DOCK4: variants seen among roughly 807,000 people sequenced by gnomAD.
DOCK4 encodes dedicator of cytokinesis protein 4.
DOCK4 carries 97 observed loss-of-function variants against 268.1 expected under a neutral mutation model. The ratio of observed to expected loss-of-function variants is 0.36; its 90% CI spans 0.31 to 0.43. DOCK4 has a LOEUF of 0.43. DOCK4 is among the 20% of genes least tolerant of loss of function. The pLI is 1.00. For missense variants in DOCK4, 2,145 were observed against 2,455.7 expected, an observed-to-expected ratio of 0.87 and a Z score of 2.67; for synonymous variants, 954 against 887.2, an observed-to-expected ratio of 1.08 and a Z score of -1.34.
chr7:111,884,110 C>T (rs1178093325), intron 16 of DOCK4, among the ~76,000 whole-genome samples: 1 of 152,084 alleles, frequency 6.6e-6, no homozygotes, highest in Non-Finnish European at 1.5e-5. Context: ...AGGTTTTAAT[C>T]TATTTCTGAA....
chr7:111,920,279 G>C (rs972524628), intron 12 of DOCK4, among the ~76,000 whole-genome samples: 2 of 152,174 alleles, frequency 1.3e-5, no homozygotes, highest in Non-Finnish European at 2.9e-5. Context: ...ATCGCTAAGA[G>C]AGTGGATTTT....
intron 1 of DOCK4, among the ~76,000 whole-genome samples, chr7:112,160,651 AC>A (rs1817027892): frequency 6.6e-6 from 1 of 152,148 alleles, no homozygotes; most frequent in African/African-American, 2.4e-5. Flanking sequence ...TTAAGCAGGC[AC>A]CCCCACTGCC....
intron 1 of DOCK4, among the ~76,000 whole-genome samples, chr7:112,090,694 T>C (rs1354696836): frequency 6.6e-6 from 1 of 152,158 alleles, no homozygotes; most frequent in Non-Finnish European, 1.5e-5. Context: ...ATATTTTGAT[T>C]CTATAAACTA....
intron 1 of DOCK4, among the ~76,000 whole-genome samples, chr7:112,172,127 G>A (rs990533235): frequency 2.0e-5 from 3 of 152,266 alleles, no homozygotes; most frequent in South Asian, 2.1e-4. Context: ...TATGAATTAG[G>A]GGTGAAGAGA....
chr7:112,016,821 T>A (rs1200431794), intron 1 of DOCK4, among the ~76,000 whole-genome samples: 1 of 152,220 alleles, frequency 6.6e-6, no homozygotes, highest in African/African-American at 2.4e-5. Flanking sequence ...AAACATTTCA[T>A]TTATTTCAGA....
chr7:112,051,739 T>A (rs1805376926), intron 1 of DOCK4, among the ~76,000 whole-genome samples: 2 of 128,438 alleles, frequency 1.6e-5, no homozygotes, highest in South Asian at 2.1e-4. Context: ...TATATTATTA[T>A]ATGAGATGAT....
At chr7:111,992,127 A>G (rs1157946535) in intron 5 of DOCK4, among the ~76,000 whole-genome samples, 1 of 152,176 alleles carries the variant, frequency 6.6e-6, no homozygotes, top group East Asian at 1.9e-4. Context: ...TGGTATTTTT[A>G]GAGACCATTA....
At chr7:112,088,434 A>C (rs1033554879) in intron 1 of DOCK4, among the ~76,000 whole-genome samples, 2 of 152,168 alleles carry the variant, frequency 1.3e-5, no homozygotes, top group South Asian at 4.1e-4. Flanking sequence ...AAAACATGTA[A>C]GACAATACTT....
chr7:111,780,996 A>G (rs2133748971), intron 35 of DOCK4, among the ~76,000 whole-genome samples: 1 of 152,330 alleles, frequency 6.6e-6, no homozygotes. Flanking sequence ...TACTGATTAT[A>G]CTATATTAAA....
intron 1 of DOCK4, among the ~76,000 whole-genome samples, chr7:112,071,994 C>T (rs1259593302): frequency 1.3e-5 from 2 of 152,206 alleles, no homozygotes; most frequent in African/African-American, 4.8e-5. Context: ...GAATATCCCT[C>T]ACCTTGCTGA....
chr7:112,074,265 G>A (rs555904502), intron 1 of DOCK4, among the ~76,000 whole-genome samples: 8 of 152,274 alleles, frequency 5.3e-5, no homozygotes, highest in African/African-American at 1.7e-4. Flanking sequence ...GCAGCAACAT[G>A]AGCAAATATT....
intron 30 of DOCK4, among the ~76,000 whole-genome samples, chr7:111,794,310 G>C (rs977338806): frequency 3.3e-5 from 5 of 152,190 alleles, no homozygotes; most frequent in Non-Finnish European, 5.9e-5. Flanking sequence ...TACTCTAGCA[G>C]GTGTCAAAGA....
At chr7:112,050,303 C>A (rs1314601548) in intron 1 of DOCK4, among the ~76,000 whole-genome samples, 1 of 152,078 alleles carries the variant, frequency 6.6e-6, no homozygotes, top group Non-Finnish European at 1.5e-5. Context: ...AAACGTTTCC[C>A]TGGACTATGG....
intron 13 of DOCK4, among the ~76,000 whole-genome samples, chr7:111,906,722 G>A (rs768199283): frequency 6.6e-6 from 1 of 152,118 alleles, no homozygotes; most frequent in Non-Finnish European, 1.5e-5. Flanking sequence ...GAAAAAGGGA[G>A]GGGGAAGGGT....
Position 111,990,153 on chromosome 7 carries a change from T to A in DOCK4, c.316-990A>T, listed in dbSNP as rs1283807293. 2.6e-5 allele frequency among the ~76,000 whole-genome samples: 4 copies of A among 152,192 alleles called. No individual in the cohort carries two copies. In the East Asian group the frequency reaches 7.7e-4, roughly 29 times the overall value. On this transcript the variant is annotated intron_variant, in intron 5 of 52. Transcript: ENST00000428084. ...TGAGTTATTAAAACTCTGAGAATGATGCCTGGCCCAGAAAAAATATGTAAG... is the reference window on the plus strand; with the variant it reads ...TGAGTTATTAAAACTCTGAGAATGAAGCCTGGCCCAGAAAAAATATGTAAG...
At chr7:112,196,212 C>T (rs941780362) in intron 1 of DOCK4, among the ~76,000 whole-genome samples, 12 of 152,118 alleles carry the variant, frequency 7.9e-5, no homozygotes, top group Non-Finnish European at 1.6e-4. Context: ...TTCAGATCTG[C>T]GTTCAAGGCT....
At chr7:112,085,315 T>C (rs1212042104) in intron 1 of DOCK4, among the ~76,000 whole-genome samples, 1 of 151,996 alleles carries the variant, frequency 6.6e-6, no homozygotes. Flanking sequence ...CATCAAAAAC[T>C]GATTTGGCTG....
chr7:111,900,077 C>G (rs1225182450), intron 15 of DOCK4, among the ~76,000 whole-genome samples: 1 of 152,170 alleles, frequency 6.6e-6, no homozygotes, highest in Non-Finnish European at 1.5e-5. Context: ...CTGAACTGGC[C>G]AAAGGCTTTC....
intron 16 of DOCK4, among the ~76,000 whole-genome samples, chr7:111,889,409 G>A (rs1022210498): frequency 1.3e-5 from 2 of 152,054 alleles, no homozygotes; most frequent in Non-Finnish European, 2.9e-5. Flanking sequence ...GGGGTTCACT[G>A]GGCAGCAGGC....
Sources: gnomAD v4.1 joint callset for allele counts (sites outside exome capture counted in the v4.1 genomes callset) on GRCh38, gnomAD v4.1.1 for gene constraint, MANE v1.5 for transcripts, NCBI Gene and HGNC (gene_info 2026-07-23, HGNC 2026-07-21) for gene names.